Variants in IER5 observed in about 807,000 individuals in gnomAD.
IER5 encodes immediate early response 5.
Under a neutral mutation model 8.2 loss-of-function variants are expected in IER5, and 3 were observed. The observed-to-expected ratio is 0.36, with a 90% CI of 0.17 to 0.94. The LOEUF (loss-of-function observed/expected upper bound fraction) is 0.94. Ranked by LOEUF, IER5 falls within the 40% of genes least tolerant of loss-of-function variation. The probability of loss-of-function intolerance (pLI) is 0.43; values close to 1 mark genes in which losing one functional copy is unlikely to be tolerated. For synonymous variants in IER5, 286 were observed against 230.1 expected, an observed-to-expected ratio of 1.24 and a Z score of -2.20; for missense variants, 531 against 494.3, an observed-to-expected ratio of 1.07 and a Z score of -0.70.
At position 181,089,202 on chromosome 1, in the gene IER5, G is replaced by A. The variant is rs371948964; in HGVS notation, c.300G>A (p.Pro100=). The A allele has an allele frequency of 4.0e-5, 61 of 1,532,090 alleles. No individual in the cohort carries two copies. Among genetic ancestry groups the A allele is most frequent in the Admixed American group, 1.0e-4 (5 of 49,970 alleles). The allele number at this position is 1,532,090 out of a possible 1,614,324, so 94.9% of individuals were successfully genotyped here. A position where few individuals can be genotyped will look rare whatever the true frequency, so the allele number is the denominator to read the frequency against. ...AARASWPETE[P]QPERSSVSDA... is the part of the protein sequence containing the mutation. ...GTGCCTCTTGGCCGGAGACCGAGCC[G>A]CAGCCGGAGCGCTCCTCCGTCTCAG... The change falls in exon 1 of 1, where the codon CCG becomes CCA. Residue 100 remains proline, a synonymous_variant. Transcript: ENST00000367577.
Position 181,089,268 on chromosome 1 carries a change from G to A in IER5, c.366G>A (p.Val122=), listed in dbSNP as rs1659407958. The change falls in exon 1 of 1, where the codon GTG becomes GTA. Residue 122 remains valine (V), a synonymous_variant. Coordinates refer to ENST00000367577, the MANE Select transcript of IER5 (RefSeq NM_016545.5). ...RVGDEVPVAT[V]TGVGDVFQGG... ...GGGACGAGGTGCCGGTGGCCACGGTGACTGGAGTCGGGGACGTTTTTCAGG... is the reference window on the plus strand; with the variant it reads ...GGGACGAGGTGCCGGTGGCCACGGTAACTGGAGTCGGGGACGTTTTTCAGG... The A allele has an allele frequency of 6.4e-7, 1 of 1,559,108 alleles. No individual in the cohort carries two copies. The highest frequency in any genetic ancestry group is 8.7e-7 in the Non-Finnish European group (1 of 1,154,910).
rs1436960803 is a variant in IER5 at position 181,089,387 on chromosome 1, G to T, written c.485G>T (p.Trp162Leu). ...GAAGCCGAGGGTACCGCCGGAGGCT[G>T]GGGCGTCTTCCCCGAGGTATCTCGT... ...AREAEGTAGG[W>L]GVFPEVSRAA... is the part of the protein sequence containing the mutation. The change falls in exon 1 of 1, where the codon TGG becomes TTG. Residue 162 changes from tryptophan (W) to leucine (L), a missense_variant. Transcript: ENST00000367577. 1 of 1,480,606 alleles carries T rather than the reference G, an allele frequency of 6.8e-7. No homozygotes were observed. The highest frequency in any genetic ancestry group is 2.4e-5 in the Admixed American group (1 of 41,472). 91.7% of individuals were successfully genotyped at this position (1,480,606 alleles called of 1,614,324 possible). A position where few individuals can be genotyped will look rare whatever the true frequency, so the allele number is the denominator to read the frequency against.
Position 181,089,876 on chromosome 1 carries a change from T to C in IER5, c.974T>C (p.Val325Ala). 6.2e-7 allele frequency: 1 copy of C among 1,612,090 alleles called. No homozygotes were observed. Residue 325 changes from valine (V) to alanine (A), a missense_variant, in exon 1 of 1, where the codon GTG becomes GCG. Transcript: ENST00000367577. Reference protein sequence around the residue: ...RDMNPWSTAIVAF With the variant: ...RDMNPWSTAIAAF ...ATGAACCCCTGGAGCACAGCCATCG[T>C]GGCCTTCTGAGCCCTTGGCCCCCCT... is the stretch of plus-strand genomic sequence containing the variant.
Position 181,088,825 on chromosome 1 carries a change from A to T in IER5, c.-78A>T. On this transcript the variant is annotated 5_prime_UTR_variant, in exon 1 of 1. Transcript: ENST00000367577. ...GATCGAGGGTGTGCCCAGGGGGCGGACTTGTTTGCGCCTCCCGTTCCCTCC... is the reference window on the plus strand; with the variant it reads ...GATCGAGGGTGTGCCCAGGGGGCGGTCTTGTTTGCGCCTCCCGTTCCCTCC... 1 of 1,026,318 alleles carries T rather than the reference A, an allele frequency of 9.7e-7. No individual in the cohort carries two copies. Among genetic ancestry groups the T allele is most frequent in the Non-Finnish European group, 1.4e-6 (1 of 716,682 alleles). The allele number at this position is 1,026,318 out of a possible 1,614,324, so 63.6% of individuals were successfully genotyped here. A position where few individuals can be genotyped will look rare whatever the true frequency, so the allele number is the denominator to read the frequency against.
Position 181,092,863 on chromosome 1 carries a change from A to C in IER5, c.*2977A>C, listed in dbSNP as rs1278375677. ...TGGTCAAAGATTTGTGTGTATTTGT[A>C]AGAAAAGAGGAGAATGGAGAATCTA... is the stretch of plus-strand genomic sequence containing the variant. On this transcript the variant is annotated 3_prime_UTR_variant, in exon 1 of 1. Coordinates refer to ENST00000367577, the MANE Select transcript of IER5 (RefSeq NM_016545.5). 6.6e-6 allele frequency: 1 copy of C among 152,236 alleles called. No individual in the cohort carries two copies. Among genetic ancestry groups the C allele is most frequent in the African/African-American group, 2.4e-5 (1 of 41,466 alleles). The allele number at this position is 152,236 out of a possible 1,614,324, so 9.4% of individuals were successfully genotyped here.
Position 181,089,392 on chromosome 1 carries a change from G to C in IER5, c.490G>C (p.Val164Leu). The C allele has an allele frequency of 2.0e-6, 3 of 1,475,110 alleles. No homozygotes were observed. Among genetic ancestry groups the C allele is most frequent in the Non-Finnish European group, 2.7e-6 (3 of 1,110,984 alleles). The allele number at this position is 1,475,110 out of a possible 1,614,324, so 91.4% of individuals were successfully genotyped here. A position where few individuals can be genotyped will look rare whatever the true frequency, so the allele number is the denominator to read the frequency against. ...EAEGTAGGWG[V>L]FPEVSRAARR... ...CGAGGGTACCGCCGGAGGCTGGGGC[G>C]TCTTCCCCGAGGTATCTCGTGCCGC... The change falls in exon 1 of 1, where the codon GTC becomes CTC. Residue 164 changes from valine to leucine, a missense_variant. Val to Leu is a conservative substitution (Grantham distance 32, BLOSUM62 1). Transcript: ENST00000367577.
rs995573820 is a variant in IER5 at position 181,091,499 on chromosome 1, C to T, written c.*1613C>T. ...CAAATTTAGTTCTCATTTAGCAAAA[C>T]TTCCTGATTTGTTTTGTTACTTAAA... On this transcript the variant is annotated 3_prime_UTR_variant, in exon 1 of 1. Coordinates refer to ENST00000367577, the MANE Select transcript of IER5 (RefSeq NM_016545.5). The T allele has an allele frequency of 2.0e-5, 3 of 152,220 alleles. No homozygotes were observed. Among genetic ancestry groups the T allele is most frequent in the African/African-American group, 7.2e-5 (3 of 41,456 alleles). The allele number at this position is 152,220 out of a possible 1,614,324, so 9.4% of individuals were successfully genotyped here.
At position 181,089,546 on chromosome 1, in the gene IER5, G is replaced by A; in HGVS notation, c.644G>A (p.Cys215Tyr). 1.4e-6 allele frequency: 2 copies of A among 1,435,054 alleles called. No individual in the cohort carries two copies. The highest frequency in any genetic ancestry group is 9.1e-7 in the Non-Finnish European group (1 of 1,095,420). 88.9% of individuals were successfully genotyped at this position (1,435,054 alleles called of 1,614,324 possible). A position where few individuals can be genotyped will look rare whatever the true frequency, so the allele number is the denominator to read the frequency against. Residue 215 changes from cysteine to tyrosine, a missense_variant, in exon 1 of 1, where the codon TGC (cysteine) becomes TAC (tyrosine). Cys to Tyr is a radical substitution (Grantham distance 194). Coordinates refer to ENST00000367577, the MANE Select transcript of IER5 (RefSeq NM_016545.5). Reference protein sequence around the residue: ...EDEPPAPPAVCPRKRCAAGVG... With the variant: ...EDEPPAPPAVYPRKRCAAGVG... ...GAGCCCCCCGCGCCGCCCGCGGTGT[G>A]CCCCAGGAAGCGCTGCGCGGCGGGG...
At position 181,088,713 on chromosome 1, in the gene IER5, A is replaced by C. The variant is rs1659385129; in HGVS notation, c.-190A>C. 1 of 576,740 alleles carries C rather than the reference A, an allele frequency of 1.7e-6. No individual in the cohort carries two copies. The highest frequency in any genetic ancestry group is 2.3e-5 in the South Asian group (1 of 42,786). 35.7% of individuals were successfully genotyped at this position (576,740 alleles called of 1,614,324 possible). A position where few individuals can be genotyped will look rare whatever the true frequency, so the allele number is the denominator to read the frequency against. ...CCAGGCTGCCCTGTTTAGCGACCGGACCCGAAACGGGGAAGTTGTCTTGTT... is the reference window on the plus strand; with the variant it reads ...CCAGGCTGCCCTGTTTAGCGACCGGCCCCGAAACGGGGAAGTTGTCTTGTT... On this transcript the variant is annotated 5_prime_UTR_variant, in exon 1 of 1. Transcript: ENST00000367577.
Position 181,088,742 on chromosome 1 carries a change from A to T in IER5, c.-161A>T. 1.8e-6 allele frequency: 1 copy of T among 567,030 alleles called. No homozygotes were observed. The highest frequency in any genetic ancestry group is 4.1e-5 in the East Asian group (1 of 24,626). The allele number at this position is 567,030 out of a possible 1,614,324, so 35.1% of individuals were successfully genotyped here. A position where few individuals can be genotyped will look rare whatever the true frequency, so the allele number is the denominator to read the frequency against. On this transcript the variant is annotated 5_prime_UTR_variant, in exon 1 of 1. Transcript: ENST00000367577. The stretch of plus-strand genomic sequence containing the variant: ...GAAACGGGGAAGTTGTCTTGTTTGG[A>T]GAGGTTAGTAGAGCAGCGCGCGCGT...
Position 181,089,435 on chromosome 1 carries a change from G to C in IER5, c.533G>C (p.Cys178Ser). 7.2e-7 allele frequency: 1 copy of C among 1,389,088 alleles called. No individual in the cohort carries two copies. The highest frequency in any genetic ancestry group is 9.3e-7 in the Non-Finnish European group (1 of 1,071,052). 86.0% of individuals were successfully genotyped at this position (1,389,088 alleles called of 1,614,324 possible). ...VSRAARRPCG[C>S]PLGGEDPPGT... ...CGTGCCGCGCGCCGCCCCTGCGGCTGCCCCCTAGGCGGGGAGGACCCGCCG... is the reference window on the plus strand; with the variant it reads ...CGTGCCGCGCGCCGCCCCTGCGGCTCCCCCCTAGGCGGGGAGGACCCGCCG... Residue 178 changes from cysteine (C) to serine (S), a missense_variant, in exon 1 of 1, where the codon TGC becomes TCC. Coordinates refer to ENST00000367577, the MANE Select transcript of IER5 (RefSeq NM_016545.5).
chr1:181,089,392 G>A lies in IER5; in HGVS notation c.490G>A (p.Val164Ile). ...EAEGTAGGWG[V>I]FPEVSRAARR... ...CGAGGGTACCGCCGGAGGCTGGGGCGTCTTCCCCGAGGTATCTCGTGCCGC... is the reference window on the plus strand; with the variant it reads ...CGAGGGTACCGCCGGAGGCTGGGGCATCTTCCCCGAGGTATCTCGTGCCGC... The change falls in exon 1 of 1, where the codon GTC becomes ATC. Residue 164 changes from valine (V) to isoleucine (I), a missense_variant. Transcript: ENST00000367577. The A allele has an allele frequency of 6.8e-7, 1 of 1,475,110 alleles. No homozygotes were observed. The highest frequency in any genetic ancestry group is 1.3e-5 in the South Asian group (1 of 77,476). The allele number at this position is 1,475,110 out of a possible 1,614,324, so 91.4% of individuals were successfully genotyped here.
chr1:181,091,211 T>C lies in IER5; in HGVS notation c.*1325T>C, dbSNP rs2102434997. 6.6e-6 allele frequency: 1 copy of C among 152,274 alleles called. No homozygotes were observed. The highest frequency in any genetic ancestry group is 3.4e-3 in the Middle Eastern group (1 of 294). 9.4% of individuals were successfully genotyped at this position (152,274 alleles called of 1,614,324 possible). A position where few individuals can be genotyped will look rare whatever the true frequency, so the allele number is the denominator to read the frequency against. ...AAAATGTTTTTCAGCAAAACTTTGT[T>C]TCCTGTTAAGCTATTAATACGGGTC... is the stretch of plus-strand genomic sequence containing the variant. On this transcript the variant is annotated 3_prime_UTR_variant, in exon 1 of 1. Coordinates refer to ENST00000367577, the MANE Select transcript of IER5 (RefSeq NM_016545.5).
In IER5 at chr1:181,089,590, G is replaced by A. The variant is rs1659417830; in HGVS notation, c.688G>A (p.Gly230Ser). ...CAAGVGGGPA[G>S]CPAPGSTPLK... is the part of the protein sequence containing the mutation. The stretch of plus-strand genomic sequence containing the variant: ...GGCGGGGGTGGGCGGCGGCCCAGCG[G>A]GCTGCCCGGCGCCCGGCTCGACCCC... Residue 230 changes from glycine to serine, a missense_variant, in exon 1 of 1, where the codon GGC (glycine) becomes AGC (serine). By Grantham distance (56) the Gly-to-Ser change is moderately conservative. Transcript: ENST00000367577. 6.3e-7 allele frequency: 1 copy of A among 1,583,934 alleles called. No homozygotes were observed. Among genetic ancestry groups the A allele is most frequent in the African/African-American group, 1.3e-5 (1 of 74,454 alleles).
At position 181,090,154 on chromosome 1, in the gene IER5, A is replaced by G. The variant is rs1443677452; in HGVS notation, c.*268A>G. The G allele has an allele frequency of 3.8e-6, 2 of 529,432 alleles. No homozygotes were observed. Among genetic ancestry groups the G allele is most frequent in the Non-Finnish European group, 6.8e-6 (2 of 293,436 alleles). 32.8% of individuals were successfully genotyped at this position (529,432 alleles called of 1,614,324 possible). A position where few individuals can be genotyped will look rare whatever the true frequency, so the allele number is the denominator to read the frequency against. Reference sequence around the variant, plus strand: ...AAGTTTGTCTTGTGGCATTAAGACTATTTTGCTCTTCTGGAATGCACCACT... The same window carrying G: ...AAGTTTGTCTTGTGGCATTAAGACTGTTTTGCTCTTCTGGAATGCACCACT... On this transcript the variant is annotated 3_prime_UTR_variant, in exon 1 of 1. Transcript: ENST00000367577.
rs1253978322 is a variant in IER5 at position 181,091,845 on chromosome 1, G to A, written c.*1959G>A. 3 of 152,176 alleles carry A rather than the reference G, an allele frequency of 2.0e-5. No individual in the cohort carries two copies. The highest frequency in any genetic ancestry group is 4.4e-5 in the Non-Finnish European group (3 of 68,018). 9.4% of individuals were successfully genotyped at this position (152,176 alleles called of 1,614,324 possible). ...CTTCGAGCATAAGAGGCATATGAATGGTGTCTTGGCCTTAACTCCCAATTA... is the reference window on the plus strand; with the variant it reads ...CTTCGAGCATAAGAGGCATATGAATAGTGTCTTGGCCTTAACTCCCAATTA... On this transcript the variant is annotated 3_prime_UTR_variant, in exon 1 of 1. Coordinates refer to ENST00000367577, the MANE Select transcript of IER5 (RefSeq NM_016545.5).
chr1:181,089,798 C>G lies in IER5; in HGVS notation c.896C>G (p.Pro299Arg). 1 of 1,613,336 alleles carries G rather than the reference C, an allele frequency of 6.2e-7. No homozygotes were observed. The highest frequency in any genetic ancestry group is 8.5e-7 in the Non-Finnish European group (1 of 1,179,802). ...GAAGAGGAGGGAGAGGAGAGCGGTCCGGAAGCCGCCGAGCCCGGGCAGATC... is the reference window on the plus strand; with the variant it reads ...GAAGAGGAGGGAGAGGAGAGCGGTCGGGAAGCCGCCGAGCCCGGGCAGATC... ...REEEEGEESG[P>R]EAAEPGQICC... The change falls in exon 1 of 1, where the codon CCG (proline) becomes CGG (arginine). Residue 299 changes from proline to arginine, a missense_variant. Physicochemically the swap from Pro to Arg is moderately radical, Grantham distance 103 (BLOSUM62 -2). Transcript: ENST00000367577.
Position 181,089,984 on chromosome 1 carries a change from CG to C in IER5, c.*99del. 1 of 1,482,638 alleles carries C rather than the reference CG, an allele frequency of 6.7e-7. No individual in the cohort carries two copies. Among genetic ancestry groups the C allele is most frequent in the East Asian group, 2.4e-5 (1 of 41,418 alleles). The allele number at this position is 1,482,638 out of a possible 1,614,324, so 91.8% of individuals were successfully genotyped here. A position where few individuals can be genotyped will look rare whatever the true frequency, so the allele number is the denominator to read the frequency against. ...TGCGAGGACGCCCAGAGACCGCGGG[CG>C]CTGAGCGCGTTGGGCAGACTGGTTG... On this transcript the variant is annotated 3_prime_UTR_variant, in exon 1 of 1. Transcript: ENST00000367577.
Position 181,088,880 on chromosome 1 carries a change from A to T in IER5, c.-23A>T. ...TTCCAAACGTGTCACCCCGGCGCCG[A>T]CGGCCCTGTGCAGGGGAAGCAGATG... On this transcript the variant is annotated 5_prime_UTR_variant, in exon 1 of 1. Transcript: ENST00000367577. 2 of 1,553,730 alleles carry T rather than the reference A, an allele frequency of 1.3e-6. No homozygotes were observed. Among genetic ancestry groups the T allele is most frequent in the Non-Finnish European group, 1.8e-6 (2 of 1,142,696 alleles).
Sources: gnomAD v4.1 joint callset for allele counts on GRCh38, gnomAD v4.1.1 for gene constraint, MANE v1.5 for transcripts, NCBI Gene and HGNC (gene_info 2026-07-23, HGNC 2026-07-21) for gene names.